The following UACA variants were observed in gnomAD, a reference collection of about 807,000 sequenced individuals.
The protein encoded by UACA is nuclear membrane binding protein.
UACA carries 112 observed loss-of-function variants against 160.5 expected under a neutral mutation model. The observed-to-expected ratio is 0.70, with a 90% CI of 0.60 to 0.82. The LOEUF (loss-of-function observed/expected upper bound fraction) is 0.82, where lower values mean the gene tolerates loss of function less well. UACA is among the 40% of genes least tolerant of loss of function. The pLI is 0.00. For synonymous variants in UACA, 557 were observed against 568.4 expected (o/e 0.98, Z 0.29); for missense variants, 1,574 against 1,614.6 (o/e 0.97, Z 0.43).
At chr15:70,678,309 A>G (rs769865364) in intron 10 of UACA, 103 bp from the exon 11 acceptor site, 56 of 633,260 alleles carry the variant, frequency 8.8e-5, no homozygotes, top group Non-Finnish European at 1.4e-4. Flanking sequence ...GTACATACAT[A>G]TGTAAAACAC....
intron 2 of UACA, among the ~76,000 whole-genome samples, chr15:70,699,181 C>T (rs1206339246): frequency 6.6e-6 from 1 of 152,104 alleles, no homozygotes. Context: ...AGTATTTAAC[C>T]TCTGCAAACT....
rs1896998613 is a variant in UACA, at chr15:70,668,148, A to C, written c.2536T>G (p.Ser846Ala). ...ATCTTCTTCAAGTTAGTGTTTTCAG[A>C]TGTGAGAGCGTGTATTTTCTCCTGG... ...EDQEKIHALT[S>A]ENTNLKKMMS... Residue 846 changes from serine to alanine, a missense_variant, in exon 16 of 19, where the codon TCT (serine) becomes GCT (alanine). By Grantham distance (99) the Ser-to-Ala change is moderately conservative (BLOSUM62 1). Coordinates refer to ENST00000322954, the MANE Select transcript of UACA (RefSeq NM_018003.4). The C allele has an allele frequency of 3.7e-6, 6 of 1,613,408 alleles. No individual in the cohort carries two copies. In the Admixed American group the frequency reaches 6.7e-5, roughly 18 times the overall value.
Position 70,659,395 on chromosome 15 carries a change from G to GTTTT in UACA, c.4179+752_4179+755dup, listed in dbSNP as rs71152307. On this transcript the variant is annotated intron_variant, in intron 18 of 18. Coordinates refer to ENST00000322954, the MANE Select transcript of UACA (RefSeq NM_018003.4). Reference sequence around the variant, plus strand: ...TCTTTCCCTTCTTCATTTTTTGTTTGTTTTTTTTTTTTTTTTTTTTTTTTT... The same window carrying GTTTT: ...TCTTTCCCTTCTTCATTTTTTGTTTGTTTTTTTTTTTTTTTTTTTTTTTTTTTTT... 5.5e-3 allele frequency among the ~76,000 whole-genome samples: 102 copies of GTTTT among 18,646 alleles called. 2 individuals carry two copies. Among genetic ancestry groups the GTTTT allele is most frequent in the Non-Finnish European group, 6.9e-3 (71 of 10,310 alleles). The allele number at this position is 18,646 out of a possible 152,430, so 12.2% of individuals were successfully genotyped here.
chr15:70,659,401 T>TC (rs1230632626), intron 18 of UACA, among the ~76,000 whole-genome samples: 1 of 117,412 alleles, frequency 8.5e-6, no homozygotes, highest in Admixed American at 8.5e-5. Flanking sequence ...GTTTGTTTTT[T>TC]TTTTTTTTTT....
intron 1 of UACA, among the ~76,000 whole-genome samples, chr15:70,723,990 T>TA (rs957492039): frequency 1.3e-5 from 2 of 152,216 alleles, no homozygotes; most frequent in Admixed American, 6.5e-5. Context: ...CCCTCCCTGT[T>TA]ATATATTCTG....
intron 13 of UACA, among the ~76,000 whole-genome samples, chr15:70,675,908 A>G (rs937284577): frequency 9.8e-5 from 15 of 152,294 alleles, no homozygotes; most frequent in African/African-American, 3.6e-4. Context: ...GGCCCTCACC[A>G]GACATGAACG....
the UACA span, among the ~76,000 whole-genome samples, chr15:70,774,615 C>T: frequency 2.7e-5 from 4 of 150,496 alleles, no homozygotes; most frequent in African/African-American, 9.8e-5. Flanking sequence ...TATTATCAAT[C>T]GTGTCATGTA....
At chr15:70,713,593 T>A (rs1898747649) in intron 1 of UACA, among the ~76,000 whole-genome samples, 1 of 152,164 alleles carries the variant, frequency 6.6e-6, no homozygotes, top group African/African-American at 2.4e-5. Flanking sequence ...AATATGGGAT[T>A]CCTCAGTTTT....
rs71152307 is a variant in UACA, at chr15:70,659,395, G to GTTTTTTTTTTTTTTTTTTTTTTTTT, written c.4179+731_4179+755dup. 1.6e-3 allele frequency among the ~76,000 whole-genome samples: 30 copies of GTTTTTTTTTTTTTTTTTTTTTTTTT among 18,842 alleles called. 14 individuals are homozygous for GTTTTTTTTTTTTTTTTTTTTTTTTT. The highest frequency in any genetic ancestry group is 2.2e-3 in the Admixed American group (2 of 922). 12.4% of individuals were successfully genotyped at this position (18,842 alleles called of 152,430 possible). A position where few individuals can be genotyped will look rare whatever the true frequency, so the allele number is the denominator to read the frequency against. On this transcript the variant is annotated intron_variant, in intron 18 of 18. Coordinates refer to ENST00000322954, the MANE Select transcript of UACA (RefSeq NM_018003.4). ...TCTTTCCCTTCTTCATTTTTTGTTT[G>GTTTTTTTTTTTTTTTTTTTTTTTTT]TTTTTTTTTTTTTTTTTTTTTTTTT... is the stretch of plus-strand genomic sequence containing the variant.
intron 1 of UACA, among the ~76,000 whole-genome samples, chr15:70,759,933 C>T (rs538808262): frequency 2.8e-4 from 42 of 152,320 alleles, no homozygotes; most frequent in Middle Eastern, 3.4e-3. Flanking sequence ...GCATGCTAAG[C>T]TAATATGCTG....
At chr15:70,776,298 G>C in the UACA span, among the ~76,000 whole-genome samples, 1 of 152,120 alleles carries the variant, frequency 6.6e-6, no homozygotes, top group Admixed American at 6.6e-5. Context: ...TATTTGCTGA[G>C]TATTTACTTA....
At chr15:70,674,997 G>A (rs954187975) in intron 13 of UACA, among the ~76,000 whole-genome samples, 2 of 152,136 alleles carry the variant, frequency 1.3e-5, no homozygotes, top group Non-Finnish European at 2.9e-5. Context: ...ATACTTAAAA[G>A]GCCCTGTATA....
intron 2 of UACA, among the ~76,000 whole-genome samples, chr15:70,695,662 C>T (rs1361324043): frequency 6.6e-6 from 1 of 152,068 alleles, no homozygotes; most frequent in Non-Finnish European, 1.5e-5. Flanking sequence ...AACTAATTAC[C>T]AACTACCAAC....
the UACA span, among the ~76,000 whole-genome samples, chr15:70,770,597 A>C: frequency 6.6e-6 from 1 of 152,240 alleles, no homozygotes; most frequent in Admixed American, 6.5e-5. Context: ...AAAGAGCTAC[A>C]TTTTAATTTT....
intron 1 of UACA, chr15:70,758,451 A>G (rs2030556190): frequency 6.6e-6 from 1 of 152,048 alleles, no homozygotes; most frequent in African/African-American, 2.4e-5. Flanking sequence ...TAAACTAAAC[A>G]TAACAATTTG....
chr15:70,727,227 C>T (rs977186009), intron 1 of UACA, among the ~76,000 whole-genome samples: 7 of 152,204 alleles, frequency 4.6e-5, no homozygotes, highest in East Asian at 3.9e-4. Context: ...AACCTCCTTC[C>T]GCCCATTCCT....
chr15:70,665,838 T>A (rs1013242429), intron 16 of UACA, among the ~76,000 whole-genome samples: 1 of 152,214 alleles, frequency 6.6e-6, no homozygotes, highest in Non-Finnish European at 1.5e-5. Flanking sequence ...TACTCCACTG[T>A]ATCCCCAGCA....
At chr15:70,774,486 C>T in the UACA span, among the ~76,000 whole-genome samples, 1 of 147,890 alleles carries the variant, frequency 6.8e-6, no homozygotes, top group African/African-American at 2.6e-5. Context: ...GCGGAGCTTG[C>T]AGTGAGCCAA....
At chr15:70,658,281 A>G (rs1432216074) in intron 18 of UACA, among the ~76,000 whole-genome samples, 2 of 152,176 alleles carry the variant, frequency 1.3e-5, no homozygotes, top group African/African-American at 4.8e-5. Context: ...ACATTTCTTT[A>G]CCCATTCCCC....
Sources: allele counts gnomAD v4.1 joint callset (sites outside exome capture counted in the v4.1 genomes callset), GRCh38; gene constraint gnomAD v4.1.1; transcripts MANE v1.5; gene names NCBI Gene and HGNC (gene_info 2026-07-23, HGNC 2026-07-21).